The following SKAP2 variants were observed in gnomAD, a reference collection of about 807,000 sequenced individuals.
The protein encoded by SKAP2 is src kinase associated phosphoprotein 2, also known as src kinase-associated phosphoprotein 2.
A neutral mutation model predicts 54.9 loss-of-function variants in SKAP2; 28 were observed. The observed-to-expected ratio is 0.51, with a 90% CI of 0.38 to 0.70. The LOEUF is 0.70. Among genes scored for constraint, SKAP2 ranks in the 30% least tolerant of loss-of-function variants. SKAP2 has a pLI of 0.00. For missense variants in SKAP2, 356 were observed against 424.1 expected, an observed-to-expected ratio of 0.84 and a Z score of 1.41; for synonymous variants, 137 against 134.3, an observed-to-expected ratio of 1.02 and a Z score of -0.14.
chr7:26,733,457 T>A (rs989487626), intron 6 of SKAP2, among the ~76,000 whole-genome samples: 5 of 152,030 alleles, frequency 3.3e-5, no homozygotes, highest in Admixed American at 6.5e-5. Context: ...TCTATTAAGT[T>A]GTTGTTACAA....
intron 3 of SKAP2, 93 bp from the exon 4 acceptor site, chr7:26,844,230 G>T: frequency 1.4e-6 from 1 of 721,948 alleles, no homozygotes; most frequent in Non-Finnish European, 2.3e-6. Flanking sequence ...TGTTAGAAGA[G>T]GTAAATTCTA....
chr7:26,704,429 A>C (rs1222693768), intron 9 of SKAP2, among the ~76,000 whole-genome samples: 1 of 152,230 alleles, frequency 6.6e-6, no homozygotes, highest in Non-Finnish European at 1.5e-5. Flanking sequence ...ATAGTTTCTT[A>C]CCAGATATGA....
At chr7:26,745,367 T>A (rs191329320) in intron 4 of SKAP2, among the ~76,000 whole-genome samples, 1 of 152,238 alleles carries the variant, frequency 6.6e-6, no homozygotes, top group South Asian at 2.1e-4. Context: ...TTCTCAACCA[T>A]ACAACCATAT....
chr7:26,711,471 A>G (rs1007138281), intron 9 of SKAP2, among the ~76,000 whole-genome samples: 2 of 152,196 alleles, frequency 1.3e-5, no homozygotes, highest in Admixed American at 6.5e-5. Context: ...CACATCAACT[A>G]AAGTTTGATC....
intron 4 of SKAP2, among the ~76,000 whole-genome samples, chr7:26,842,816 T>A (rs1383823948): frequency 6.6e-6 from 1 of 151,936 alleles, no homozygotes; most frequent in East Asian, 1.9e-4. Flanking sequence ...GAAAGGGTAA[T>A]GCTCTGTTTT....
At position 26,803,917 on chromosome 7, in the gene SKAP2, C is replaced by A. The variant is rs184356615; in HGVS notation, c.307+40113G>T. On this transcript the variant is annotated intron_variant, in intron 4 of 12. Transcript: ENST00000345317. Reference sequence around the variant, plus strand: ...TCACTTACTTGTGGGATCTAAAAATCAAATCAACTGAACTCATAGACACGG... The same window carrying A: ...TCACTTACTTGTGGGATCTAAAAATAAAATCAACTGAACTCATAGACACGG... Among the ~76,000 whole-genome samples, 83 of 152,092 alleles carry A rather than the reference C, an allele frequency of 5.5e-4. No homozygotes were observed. In the Middle Eastern group the frequency reaches 0.01, roughly 19 times the overall value.
intron 11 of SKAP2, among the ~76,000 whole-genome samples, chr7:26,682,470 C>G (rs1203147417): frequency 1.3e-5 from 2 of 152,204 alleles, no homozygotes; most frequent in African/African-American, 4.8e-5. Flanking sequence ...GTTGATTCCA[C>G]TAGGTCCACA....
At chr7:26,723,639 C>T (rs917426664) in intron 9 of SKAP2, among the ~76,000 whole-genome samples, 2 of 152,086 alleles carry the variant, frequency 1.3e-5, no homozygotes, top group African/African-American at 4.8e-5. Context: ...TCAAGCTACT[C>T]AGACCTTCCT....
intron 4 of SKAP2, among the ~76,000 whole-genome samples, chr7:26,815,119 A>G (rs1784240206): frequency 1.3e-5 from 2 of 151,186 alleles, no homozygotes. Flanking sequence ...TTTTTTTTTT[A>G]AGGGGATAAA....
rs1166908820 is a variant in SKAP2, at chr7:26,667,229, TCTAA to T, written c.*2433_*2436del. 1.3e-5 allele frequency: 2 copies of T among 152,124 alleles called. No individual in the cohort carries two copies. The highest frequency in any genetic ancestry group is 2.1e-4 in the South Asian group (1 of 4,830). The allele number at this position is 152,124 out of a possible 1,614,324, so 9.4% of individuals were successfully genotyped here. ...AATCACCTTTGAAAAAAATTAGCTC[TCTAA>T]CTGTTCACAGAAAAACAAATAAAAG... On this transcript the variant is annotated 3_prime_UTR_variant, in exon 13 of 13. Transcript: ENST00000345317.
intron 9 of SKAP2, among the ~76,000 whole-genome samples, chr7:26,723,349 T>G (rs1397754182): frequency 6.6e-6 from 1 of 152,098 alleles, no homozygotes; most frequent in Non-Finnish European, 1.5e-5. Context: ...GAACTAGACA[T>G]TCCACAGCTG....
intron 3 of SKAP2, among the ~76,000 whole-genome samples, chr7:26,847,034 T>A (rs1784937611): frequency 6.6e-6 from 1 of 152,046 alleles, no homozygotes; most frequent in Admixed American, 6.5e-5. Context: ...GGTTATATAT[T>A]AAAATGAAAT....
At chr7:26,770,155 G>A (rs1182017026) in intron 4 of SKAP2, among the ~76,000 whole-genome samples, 1 of 152,204 alleles carries the variant, frequency 6.6e-6, no homozygotes, top group Non-Finnish European at 1.5e-5. Context: ...GCCCTGCCCA[G>A]AGAGGAGGAA....
At chr7:26,830,810 G>C (rs2127992385) in intron 4 of SKAP2, among the ~76,000 whole-genome samples, 1 of 152,170 alleles carries the variant, frequency 6.6e-6, no homozygotes, top group East Asian at 1.9e-4. Context: ...GCTGGAGAAT[G>C]GTACCTTCTC....
At chr7:26,783,807 G>A (rs111803087) in intron 4 of SKAP2, among the ~76,000 whole-genome samples, 7,937 of 152,084 alleles carry the variant, frequency 0.052, 311 homozygotes, top group Non-Finnish European at 0.08. Context: ...TGGGGGGAGC[G>A]GGGAGGGATA....
intron 4 of SKAP2, among the ~76,000 whole-genome samples, chr7:26,795,696 A>T (rs1249728317): frequency 6.6e-6 from 1 of 152,222 alleles, no homozygotes; most frequent in African/African-American, 2.4e-5. Context: ...AGTCTTATAA[A>T]ATGATAAGGG....
In SKAP2 at chr7:26,795,683, T is replaced by C. The variant is rs535590492; in HGVS notation, c.307+48347A>G. 2.6e-5 allele frequency among the ~76,000 whole-genome samples: 4 copies of C among 152,312 alleles called. No homozygotes were observed. In the East Asian group the frequency reaches 5.8e-4, roughly 22 times the overall value. ...CTGGGCAACAACCTCATGATCCAGA[T>C]ACAGTCTTATAAAATGATAAGGGAA... is the stretch of plus-strand genomic sequence containing the variant. On this transcript the variant is annotated intron_variant, in intron 4 of 12. Coordinates refer to ENST00000345317, the MANE Select transcript of SKAP2 (RefSeq NM_003930.5).
Position 26,762,692 on chromosome 7 carries a change from A to T in SKAP2, c.308-22728T>A, listed in dbSNP as rs540620208. Reference sequence around the variant, plus strand: ...CTCTACTAAAAATACAAAAAAAAAAATTGATGCCCATAAACAGCTTATGTT... The same window carrying T: ...CTCTACTAAAAATACAAAAAAAAAATTTGATGCCCATAAACAGCTTATGTT... On this transcript the variant is annotated intron_variant, in intron 4 of 12. Transcript: ENST00000345317. Among the ~76,000 whole-genome samples the T allele has an allele frequency of 3.9e-5, 6 of 152,224 alleles. No individual in the cohort carries two copies. In the South Asian group the frequency reaches 1.0e-3, roughly 26 times the overall value.
At chr7:26,708,873 A>G (rs1452499682) in intron 9 of SKAP2, among the ~76,000 whole-genome samples, 1 of 152,194 alleles carries the variant, frequency 6.6e-6, no homozygotes, top group East Asian at 1.9e-4. Context: ...TGCCTAATAA[A>G]TATTTGTTGC....
Sources: allele counts gnomAD v4.1 joint callset (sites outside exome capture counted in the v4.1 genomes callset), GRCh38; gene constraint gnomAD v4.1.1; transcripts MANE v1.5; gene names NCBI Gene and HGNC (gene_info 2026-07-23, HGNC 2026-07-21).